Variants in PPP3R1 observed in about 807,000 individuals in gnomAD.
The protein encoded by PPP3R1 is protein phosphatase 3 regulatory subunit B, alpha.
In PPP3R1, 5 loss-of-function variants were observed where a neutral mutation model predicts 22.6. That is an observed-to-expected ratio of 0.22 (90% CI 0.12 to 0.46). PPP3R1 has a LOEUF of 0.46. PPP3R1 is among the 20% of genes least tolerant of loss of function. The probability of loss-of-function intolerance (pLI) is 0.99; values close to 1 mark genes in which losing one functional copy is unlikely to be tolerated. For missense variants in PPP3R1, 61 were observed against 203.2 expected, an observed-to-expected ratio of 0.30 and a Z score of 4.25; for synonymous variants, 56 against 65.2, an observed-to-expected ratio of 0.86 and a Z score of 0.68.
At chr2:68,206,635 G>A (rs1324154071) in intron 2 of PPP3R1, among the ~76,000 whole-genome samples, 1 of 152,148 alleles carries the variant, frequency 6.6e-6, no homozygotes, top group Non-Finnish European at 1.5e-5. Flanking sequence ...CTTCCAGGAG[G>A]CTTTTCTTAA....
intron 5 of PPP3R1, 119 bp downstream of exon 5, chr2:68,186,349 A>C: frequency 1.1e-6 from 1 of 917,974 alleles, no homozygotes; most frequent in Non-Finnish European, 1.6e-6. Flanking sequence ...AATACGGGCA[A>C]TTAGGAAAAA....
intron 2 of PPP3R1, among the ~76,000 whole-genome samples, chr2:68,198,419 A>G (rs912899880): frequency 2.0e-5 from 3 of 147,494 alleles, no homozygotes; most frequent in South Asian, 2.1e-4. Flanking sequence ...GTATATGCAT[A>G]TATACGTATA....
At chr2:68,238,215 G>GA (rs200527419) in intron 1 of PPP3R1, among the ~76,000 whole-genome samples, 135 of 148,668 alleles carry the variant, frequency 9.1e-4, no homozygotes, top group South Asian at 6.2e-3. Context: ...TTACAAAGAT[G>GA]AAAAAAAAAA....
At chr2:68,217,424 GC>G (rs1174801803) in intron 1 of PPP3R1, among the ~76,000 whole-genome samples, 1 of 152,008 alleles carries the variant, frequency 6.6e-6, no homozygotes, top group Non-Finnish European at 1.5e-5. Context: ...TAAGTTATAT[GC>G]CAAATTTTAA....
At chr2:68,207,213 A>C (rs13029910) in intron 2 of PPP3R1, among the ~76,000 whole-genome samples, 36,593 of 131,514 alleles carry the variant, frequency 0.28, 4,768 homozygotes, top group African/African-American at 0.37. Flanking sequence ...ATAGTCAGGA[A>C]AATATGATAA....
intron 1 of PPP3R1, among the ~76,000 whole-genome samples, chr2:68,246,074 T>C: frequency 7.6e-6 from 1 of 131,870 alleles, no homozygotes; most frequent in South Asian, 2.7e-4. Context: ...TTTCTTTTTT[T>C]TTTTTTTTTT....
intron 5 of PPP3R1, among the ~76,000 whole-genome samples, chr2:68,181,742 T>A (rs1674407991): frequency 6.6e-6 from 1 of 152,156 alleles, no homozygotes; most frequent in South Asian, 2.1e-4. Flanking sequence ...TAACCAGATA[T>A]TATGACAAAA....
chr2:68,243,901 C>CG (rs1572979266), intron 1 of PPP3R1, among the ~76,000 whole-genome samples: 4 of 150,732 alleles, frequency 2.7e-5, no homozygotes, highest in East Asian at 3.9e-4. Context: ...TTGCCACAGG[C>CG]GGGAAAAAAA....
At chr2:68,249,741 T>C (rs1056950426) in intron 1 of PPP3R1, among the ~76,000 whole-genome samples, 6 of 150,890 alleles carry the variant, frequency 4.0e-5, no homozygotes, top group Non-Finnish European at 7.4e-5. Flanking sequence ...AAAAAAAAAA[T>C]AAACTACGTT....
At chr2:68,204,044 A>C (rs1454487898) in intron 2 of PPP3R1, among the ~76,000 whole-genome samples, 2 of 152,222 alleles carry the variant, frequency 1.3e-5, no homozygotes, top group Admixed American at 1.3e-4. Context: ...CACTGGCTTT[A>C]TCAAAAATTA....
chr2:68,226,127 C>A (rs1422906406), intron 1 of PPP3R1, among the ~76,000 whole-genome samples: 1 of 152,106 alleles, frequency 6.6e-6, no homozygotes, highest in African/African-American at 2.4e-5. Flanking sequence ...TACAAAAAAA[C>A]AAACTACAGT....
intron 1 of PPP3R1, among the ~76,000 whole-genome samples, chr2:68,232,261 GTGTGTATATA>G (rs1287303835): frequency 0.017 from 759 of 44,400 alleles, 11 homozygotes; most frequent in Middle Eastern, 0.088. Flanking sequence ...GTGTGTGTGT[GTGTGTATATA>G]TATATACACA....
chr2:68,224,556 C>T (rs1480134155), intron 1 of PPP3R1, among the ~76,000 whole-genome samples: 1 of 151,638 alleles, frequency 6.6e-6, no homozygotes, highest in Admixed American at 6.6e-5. Context: ...CCCAGCTACT[C>T]GGGAAGCTGA....
intron 2 of PPP3R1, among the ~76,000 whole-genome samples, chr2:68,201,019 T>C (rs1674965161): frequency 6.6e-6 from 1 of 152,202 alleles, no homozygotes; most frequent in African/African-American, 2.4e-5. Context: ...AAAGATATAC[T>C]GTTTATTTTT....
intron 2 of PPP3R1, among the ~76,000 whole-genome samples, chr2:68,211,650 C>T (rs1669490191): frequency 6.6e-6 from 1 of 152,190 alleles, no homozygotes; most frequent in Non-Finnish European, 1.5e-5. Context: ...ATTTTGCCCA[C>T]AGTAGAGCTT....
chr2:68,223,806 C>CAA (rs79743936), intron 1 of PPP3R1, among the ~76,000 whole-genome samples: 258 of 58,518 alleles, frequency 4.4e-3, no homozygotes, highest in African/African-American at 0.013. Context: ...AAAGGGAAGA[C>CAA]AAAAAAAAAA....
chr2:68,209,283 C>T (rs1001664811), intron 2 of PPP3R1, among the ~76,000 whole-genome samples: 2 of 123,374 alleles, frequency 1.6e-5, no homozygotes, highest in African/African-American at 3.0e-5. Context: ...GGCGTGAACC[C>T]GGGAGGCGGA....
chr2:68,214,619 A>T (rs1669544474), intron 2 of PPP3R1, among the ~76,000 whole-genome samples: 2 of 152,158 alleles, frequency 1.3e-5, no homozygotes, highest in African/African-American at 4.8e-5. Flanking sequence ...TTACTAAAAC[A>T]TCTAAAAATA....
At chr2:68,250,230 G>GCA (rs1466184128) in intron 1 of PPP3R1, among the ~76,000 whole-genome samples, 10 of 151,424 alleles carry the variant, frequency 6.6e-5, no homozygotes, top group Non-Finnish European at 1.3e-4. Flanking sequence ...ATAATGACCT[G>GCA]GCAGGAAACA....
Sources: allele counts gnomAD v4.1 joint callset (sites outside exome capture counted in the v4.1 genomes callset), GRCh38; gene constraint gnomAD v4.1.1; transcripts MANE v1.5; gene names NCBI Gene and HGNC (gene_info 2026-07-23, HGNC 2026-07-21).